The following RTN1 variants were observed in gnomAD, a reference collection of about 807,000 sequenced individuals.
RTN1 encodes reticulon-1.
Under a neutral mutation model 65.5 loss-of-function variants are expected in RTN1, and 25 were observed. That is an observed-to-expected ratio of 0.38 (90% confidence interval 0.28 to 0.53). RTN1 has a LOEUF of 0.53. Among genes scored for constraint, RTN1 ranks in the 20% least tolerant of loss-of-function variants. The pLI is 0.79. For missense variants in RTN1, 983 were observed against 1,025.4 expected (o/e 0.96, Z 0.57); for synonymous variants, 471 against 447.6 (o/e 1.05, Z -0.66).
At chr14:59,844,310 GGTTA>G (rs1003865807) in intron 1 of RTN1, among the ~76,000 whole-genome samples, 2 of 152,272 alleles carry the variant, frequency 1.3e-5, no homozygotes, top group Non-Finnish European at 1.5e-5. Flanking sequence ...CACAGGTGTG[GGTTA>G]GTTAGTGGGG....
intron 1 of RTN1, among the ~76,000 whole-genome samples, chr14:59,755,211 G>T (rs1215907698): frequency 6.6e-6 from 1 of 152,148 alleles, no homozygotes; most frequent in Non-Finnish European, 1.5e-5. Context: ...AAGGTTTTCT[G>T]AGAACAGAGA....
intron 3 of RTN1, among the ~76,000 whole-genome samples, chr14:59,665,814 TA>T (rs1883358131): frequency 6.6e-6 from 1 of 152,030 alleles, no homozygotes; most frequent in Non-Finnish European, 1.5e-5. Flanking sequence ...AAAACAACTT[TA>T]AACCAACAAA....
intron 3 of RTN1, among the ~76,000 whole-genome samples, chr14:59,725,459 T>C (rs954559111): frequency 6.6e-6 from 1 of 152,196 alleles, no homozygotes; most frequent in Non-Finnish European, 1.5e-5. Context: ...TACTTTTTCC[T>C]GTGGTTCCCT....
At chr14:59,798,383 A>C (rs543828384) in intron 1 of RTN1, among the ~76,000 whole-genome samples, 1 of 152,360 alleles carries the variant, frequency 6.6e-6, no homozygotes, top group East Asian at 1.9e-4. Flanking sequence ...GTAACAAATT[A>C]TCACAGATTT....
At chr14:59,748,515 C>T (rs1885277221) in intron 1 of RTN1, among the ~76,000 whole-genome samples, 1 of 152,092 alleles carries the variant, frequency 6.6e-6, no homozygotes, top group African/African-American at 2.4e-5. Flanking sequence ...CAAATTGCAA[C>T]TTGCCTTCCC....
At chr14:59,657,211 C>A (rs1594657731) in intron 3 of RTN1, among the ~76,000 whole-genome samples, 2 of 152,220 alleles carry the variant, frequency 1.3e-5, no homozygotes, top group South Asian at 4.2e-4. Context: ...GAGTTAGAGA[C>A]CAGCCTGGCC....
In RTN1 at chr14:59,766,670, A is replaced by G. The variant is rs1885856753; in HGVS notation, c.242-20189T>C. ...CAATATTATTTCTTAGCATATTTTT[A>G]TATGCTGTATATGGATCTTTTCTTC... On this transcript the variant is annotated intron_variant, in intron 1 of 8. Coordinates refer to ENST00000267484, the MANE Select transcript of RTN1 (RefSeq NM_021136.3). This position sits in a 1 kb window ranked among gnomAD's most constrained non-coding sequence, Gnocchi z 4.4. 6.6e-6 allele frequency among the ~76,000 whole-genome samples: 1 copy of G among 152,144 alleles called. No homozygotes were observed. Among genetic ancestry groups the G allele is most frequent in the Non-Finnish European group, 1.5e-5 (1 of 68,034 alleles).
chr14:59,735,581 T>G (rs932518458), intron 2 of RTN1, among the ~76,000 whole-genome samples: 5 of 152,152 alleles, frequency 3.3e-5, no homozygotes, highest in Admixed American at 1.3e-4. Flanking sequence ...AAGCAGAGGT[T>G]GCACTCCTGG....
intron 1 of RTN1, among the ~76,000 whole-genome samples, chr14:59,781,233 T>C (rs763511597): frequency 6.6e-6 from 1 of 151,888 alleles, no homozygotes; most frequent in Non-Finnish European, 1.5e-5. Context: ...CTTCTGCTTG[T>C]TCACTGAACA....
chr14:59,736,365 TACAA>T (rs1408833300), intron 2 of RTN1, among the ~76,000 whole-genome samples: 3 of 151,784 alleles, frequency 2.0e-5, no homozygotes, highest in Admixed American at 2.0e-4. Context: ...CCCACAGAAA[TACAA>T]ACAATGATCA....
intron 1 of RTN1, among the ~76,000 whole-genome samples, chr14:59,788,022 T>C (rs1886283590): frequency 1.3e-5 from 2 of 152,220 alleles, no homozygotes; most frequent in African/African-American, 4.8e-5. Context: ...AATACATCTT[T>C]GAGCTCTTCA....
At chr14:59,850,001 C>T (rs1887476298) in intron 1 of RTN1, among the ~76,000 whole-genome samples, 1 of 152,176 alleles carries the variant, frequency 6.6e-6, no homozygotes, top group Admixed American at 6.5e-5. Flanking sequence ...CCAAGCCTCT[C>T]CTTTCACCGC....
intron 1 of RTN1, among the ~76,000 whole-genome samples, chr14:59,747,408 G>C (rs866971534): frequency 1.3e-5 from 2 of 152,134 alleles, no homozygotes; most frequent in African/African-American, 2.4e-5. Context: ...TCGGGAGTTC[G>C]TAGACCAGCC....
intron 1 of RTN1, among the ~76,000 whole-genome samples, chr14:59,750,237 TATTA>T (rs1355655390): frequency 9.7e-5 from 6 of 61,964 alleles, no homozygotes; most frequent in Admixed American, 6.2e-4. Flanking sequence ...ATAATATATA[TATTA>T]TATCTATAAT....
At chr14:59,616,000 T>G (rs1239368743) in intron 3 of RTN1, among the ~76,000 whole-genome samples, 1 of 152,172 alleles carries the variant, frequency 6.6e-6, no homozygotes. Flanking sequence ...ACCTTTGATA[T>G]TTAACAAACT....
At chr14:59,675,912 T>A (rs905936144) in intron 3 of RTN1, among the ~76,000 whole-genome samples, 1 of 152,208 alleles carries the variant, frequency 6.6e-6, no homozygotes, top group African/African-American at 2.4e-5. Flanking sequence ...TCAGCCTCCA[T>A]TCAAACCTTT....
chr14:59,804,342 C>T (rs1374704492), intron 1 of RTN1, among the ~76,000 whole-genome samples: 1 of 152,110 alleles, frequency 6.6e-6, no homozygotes, highest in East Asian at 1.9e-4. Context: ...GTGCCATTCT[C>T]ACCATATGGT....
chr14:59,664,850 T>A (rs1199788368), intron 3 of RTN1, among the ~76,000 whole-genome samples: 2 of 152,192 alleles, frequency 1.3e-5, no homozygotes, highest in African/African-American at 2.4e-5. Flanking sequence ...TTCCCTGGGA[T>A]AAATGCCAGA....
intron 3 of RTN1, among the ~76,000 whole-genome samples, chr14:59,685,955 A>C (rs1271911714): frequency 6.6e-6 from 1 of 152,242 alleles, no homozygotes; most frequent in African/African-American, 2.4e-5. Flanking sequence ...ACTGCATGGT[A>C]CTGGCATAAA....
Sources: gnomAD v4.1 joint callset for allele counts (sites outside exome capture counted in the v4.1 genomes callset) on GRCh38, gnomAD v4.1.1 for gene constraint, Gnocchi (gnomAD v3.1) non-coding constraint, MANE v1.5 for transcripts, NCBI Gene and HGNC (gene_info 2026-07-23, HGNC 2026-07-21) for gene names.